Variants in KAZN observed in about 807,000 individuals in gnomAD.
KAZN encodes the protein kazrin.
A neutral mutation model predicts 87.4 loss-of-function variants in KAZN; 40 were observed. That is an observed-to-expected ratio of 0.46 (90% CI 0.36 to 0.60). KAZN has a LOEUF of 0.60. Among genes scored for constraint, KAZN ranks in the 20% least tolerant of loss-of-function variants. The pLI is 0.00. For missense variants in KAZN, 898 were observed against 1,073.9 expected (o/e 0.84, Z 2.29); for synonymous variants, 466 against 458.3 (o/e 1.02, Z -0.22).
intron 2 of KAZN, among the ~76,000 whole-genome samples, chr1:14,439,053 C>T (rs964619743): frequency 9.2e-5 from 14 of 152,210 alleles, no homozygotes; most frequent in African/African-American, 3.4e-4. Context: ...CAGGCTCTTA[C>T]AGCCAACTGT....
chr1:14,190,456 T>C (rs1299595227), intron 2 of KAZN, among the ~76,000 whole-genome samples: 1 of 152,190 alleles, frequency 6.6e-6, no homozygotes, highest in South Asian at 2.1e-4. Context: ...ATACCTGTGC[T>C]AGTTTGATTG....
At chr1:14,953,275 C>G (rs1410953486) in intron 1 of KAZN, among the ~76,000 whole-genome samples, 1 of 152,246 alleles carries the variant, frequency 6.6e-6, no homozygotes. Context: ...GGCATGCCCC[C>G]CTCTGCTGGC....
chr1:14,580,105 C>T (rs1330556534), intron 2 of KAZN, among the ~76,000 whole-genome samples: 2 of 152,068 alleles, frequency 1.3e-5, no homozygotes, highest in Non-Finnish European at 2.9e-5. Context: ...ATTCACTGAC[C>T]GTCACTGGGA....
At chr1:14,742,493 G>A (rs1001019665) in intron 1 of KAZN, among the ~76,000 whole-genome samples, 5 of 152,062 alleles carry the variant, frequency 3.3e-5, no homozygotes, top group Admixed American at 2.0e-4. Flanking sequence ...ATGAATGAAG[G>A]AATGAGCGAA....
chr1:13,969,892 A>G (rs1368734608), intron 1 of KAZN, among the ~76,000 whole-genome samples: 1 of 152,202 alleles, frequency 6.6e-6, no homozygotes, highest in Non-Finnish European at 1.5e-5. Flanking sequence ...GCTAAACATT[A>G]TTGATTCTTA....
At chr1:14,841,525 C>A (rs1431444559) in intron 1 of KAZN, among the ~76,000 whole-genome samples, 2 of 150,092 alleles carry the variant, frequency 1.3e-5, no homozygotes, top group Non-Finnish European at 2.9e-5. Context: ...GGTATAGGGG[C>A]AGGGACTTTT....
At chr1:14,446,645 T>C (rs187825636) in intron 2 of KAZN, among the ~76,000 whole-genome samples, 2 of 152,248 alleles carry the variant, frequency 1.3e-5, no homozygotes, top group Admixed American at 6.5e-5. Flanking sequence ...GTATTCAAAA[T>C]CTCTTCATTT....
At chr1:14,054,774 G>T (rs1642480590) in intron 1 of KAZN, among the ~76,000 whole-genome samples, 2 of 152,180 alleles carry the variant, frequency 1.3e-5, no homozygotes, top group African/African-American at 2.4e-5. Context: ...AACATTTATT[G>T]AGTTGTAGGT....
At chr1:14,602,982 G>A (rs1030482409) in intron 1 of KAZN, among the ~76,000 whole-genome samples, 21 of 152,296 alleles carry the variant, frequency 1.4e-4, no homozygotes, top group African/African-American at 4.6e-4. Context: ...ATAAATGCGT[G>A]CAAGTTGTAT....
intron 2 of KAZN, among the ~76,000 whole-genome samples, chr1:14,420,987 C>T (rs945827468): frequency 4.0e-5 from 6 of 151,636 alleles, no homozygotes; most frequent in African/African-American, 1.2e-4. Flanking sequence ...CACAGTGCAG[C>T]GGTGGGCTGA....
At chr1:14,907,539 G>A (rs550776393) in intron 1 of KAZN, among the ~76,000 whole-genome samples, 1 of 152,036 alleles carries the variant, frequency 6.6e-6, no homozygotes, top group Non-Finnish European at 1.5e-5. Context: ...AATAGTGCCC[G>A]AAGACCCTTG....
chr1:14,576,697 G>A (rs1036871577), intron 2 of KAZN, among the ~76,000 whole-genome samples: 4 of 152,120 alleles, frequency 2.6e-5, no homozygotes, highest in Admixed American at 1.3e-4. Context: ...TCCTATTTTA[G>A]GCTCTGTCTA....
intron 1 of KAZN, among the ~76,000 whole-genome samples, chr1:14,723,649 T>C (rs1177872111): frequency 6.6e-6 from 1 of 152,358 alleles, no homozygotes; most frequent in East Asian, 1.9e-4. Flanking sequence ...TCCCTCTCTC[T>C]CCTGCATTCG....
chr1:14,571,556 T>C (rs895146446), intron 2 of KAZN, among the ~76,000 whole-genome samples: 1 of 152,212 alleles, frequency 6.6e-6, no homozygotes, highest in African/African-American at 2.4e-5. Context: ...GCGCCTATGC[T>C]GTTTGAACCT....
chr1:14,611,491 A>G (rs1677813365), intron 1 of KAZN, among the ~76,000 whole-genome samples: 1 of 152,270 alleles, frequency 6.6e-6, no homozygotes. Context: ...GTTCAAGATC[A>G]GCCTGGCCAG....
intron 10 of KAZN, among the ~76,000 whole-genome samples, chr1:15,097,041 T>C (rs529865132): frequency 6.6e-6 from 1 of 152,324 alleles, no homozygotes; most frequent in East Asian, 1.9e-4. Context: ...TTGAGTTTTC[T>C]ACTCCCAGTG....
intron 1 of KAZN, among the ~76,000 whole-genome samples, chr1:14,936,421 ACTTT>A (rs1660463607): frequency 6.6e-6 from 1 of 152,064 alleles, no homozygotes; most frequent in Non-Finnish European, 1.5e-5. Flanking sequence ...TTTTCTCAGG[ACTTT>A]CTTGGTTCTA....
intron 8 of KAZN, among the ~76,000 whole-genome samples, chr1:15,071,719 C>A (rs77627935): frequency 0.011 from 1,721 of 152,314 alleles, 43 homozygotes; most frequent in East Asian, 0.085. Flanking sequence ...AAGGGGAAAT[C>A]TTGGCCTATT....
At chr1:14,126,400 G>A (rs967447854) in intron 1 of KAZN, among the ~76,000 whole-genome samples, 1 of 143,244 alleles carries the variant, frequency 7.0e-6, no homozygotes, top group Non-Finnish European at 1.5e-5. Context: ...ATTTTAAGAC[G>A]AAGAAACGGA....
Sources: allele counts gnomAD v4.1 joint callset (sites outside exome capture counted in the v4.1 genomes callset), GRCh38; gene constraint gnomAD v4.1.1; transcripts MANE v1.5; gene names NCBI Gene and HGNC (gene_info 2026-07-23, HGNC 2026-07-21).